The following PAPPA2 variants were observed in gnomAD, a reference collection of about 807,000 sequenced individuals.
The protein encoded by PAPPA2 is pappalysin 2, also known as pappalysin-2.
Under a neutral mutation model 176.4 loss-of-function variants are expected in PAPPA2, and 86 were observed. The observed-to-expected ratio is 0.49, with a 90% CI of 0.41 to 0.58. The LOEUF (loss-of-function observed/expected upper bound fraction) is 0.58, where lower values mean the gene tolerates loss of function less well. Among genes scored for constraint, PAPPA2 ranks in the 20% least tolerant of loss-of-function variants. The probability of loss-of-function intolerance (pLI) is 0.00; values close to 1 mark genes in which losing one functional copy is unlikely to be tolerated. For missense variants in PAPPA2, 2,073 were observed against 2,256.9 expected, an observed-to-expected ratio of 0.92 and a Z score of 1.65; for synonymous variants, 809 against 852.2, an observed-to-expected ratio of 0.95 and a Z score of 0.88.
At chr1:176,616,184 G>A (rs1368252886) in intron 3 of PAPPA2, 7 of 356,526 alleles carry the variant, frequency 2.0e-5, no homozygotes, top group Admixed American at 1.9e-4. Context: ...AGACTTACTC[G>A]CTAAGCCAAC....
chr1:176,654,956 C>A (rs1471469522), intron 3 of PAPPA2, among the ~76,000 whole-genome samples: 1 of 151,722 alleles, frequency 6.6e-6, no homozygotes, highest in Non-Finnish European at 1.5e-5. Context: ...TTCATCAAAT[C>A]TGAGAGTTTA....
chr1:176,726,999 A>G, intron 12 of PAPPA2, among the ~76,000 whole-genome samples: 1 of 152,302 alleles, frequency 6.6e-6, no homozygotes, highest in South Asian at 2.1e-4. Context: ...TGAGATAGTA[A>G]TATTTTTTGG....
At chr1:176,573,557 A>T (rs1652475689) in intron 2 of PAPPA2, among the ~76,000 whole-genome samples, 1 of 152,236 alleles carries the variant, frequency 6.6e-6, no homozygotes, top group African/African-American at 2.4e-5. Context: ...TCACGTGTTT[A>T]AAATTACTCA....
chr1:176,783,724 G>A (rs75701124), intron 17 of PAPPA2, among the ~76,000 whole-genome samples: 8,275 of 152,252 alleles, frequency 0.054, 328 homozygotes, highest in Non-Finnish European at 0.074. Flanking sequence ...CCAAAAGACT[G>A]GATGCTTAGC....
At chr1:176,578,258 G>A (rs937512141) in intron 2 of PAPPA2, among the ~76,000 whole-genome samples, 19 of 152,202 alleles carry the variant, frequency 1.2e-4, no homozygotes, top group Non-Finnish European at 1.5e-5. Context: ...ATCTAACTGT[G>A]TAGGATCTAG....
intron 21 of PAPPA2, among the ~76,000 whole-genome samples, chr1:176,814,608 T>A (rs1447564920): frequency 6.6e-6 from 1 of 152,206 alleles, no homozygotes. Flanking sequence ...TGTACAGGAA[T>A]GCTAATGATT....
intron 14 of PAPPA2, among the ~76,000 whole-genome samples, chr1:176,756,860 A>C (rs978229927): frequency 6.6e-6 from 1 of 152,028 alleles, no homozygotes; most frequent in African/African-American, 2.4e-5. Context: ...TGCCTCCCCC[A>C]GCCCCGCCGC....
chr1:176,566,759 T>C (rs1466281792), intron 2 of PAPPA2, among the ~76,000 whole-genome samples: 1 of 152,186 alleles, frequency 6.6e-6, no homozygotes, highest in Non-Finnish European at 1.5e-5. Flanking sequence ...TGCACTTCTT[T>C]CTTGTTTCTT....
intron 17 of PAPPA2, among the ~76,000 whole-genome samples, chr1:176,787,093 A>T (rs144898015): frequency 6.6e-6 from 1 of 152,210 alleles, no homozygotes. Flanking sequence ...AAGAAAAAAA[A>T]AGTGCTGTTT....
intron 12 of PAPPA2, among the ~76,000 whole-genome samples, chr1:176,734,618 C>G (rs1231368879): frequency 1.3e-5 from 2 of 152,036 alleles, no homozygotes; most frequent in Admixed American, 6.6e-5. Flanking sequence ...TGCCTTATAT[C>G]CCCCCTTCAT....
At chr1:176,528,574 T>G (rs961661263) in intron 1 of PAPPA2, among the ~76,000 whole-genome samples, 3 of 152,352 alleles carry the variant, frequency 2.0e-5, no homozygotes, top group South Asian at 4.1e-4. Flanking sequence ...GAGAAGTAAT[T>G]TGTCCATTCA....
intron 1 of PAPPA2, among the ~76,000 whole-genome samples, chr1:176,552,515 C>T (rs1246179310): frequency 1.3e-5 from 2 of 151,886 alleles, no homozygotes; most frequent in African/African-American, 4.8e-5. Flanking sequence ...CCCTTTCCCT[C>T]TCCGTCCTGG....
intron 21 of PAPPA2, among the ~76,000 whole-genome samples, chr1:176,813,153 G>C (rs1666229965): frequency 6.6e-6 from 1 of 152,042 alleles, no homozygotes; most frequent in South Asian, 2.1e-4. Context: ...AGTATTCCTT[G>C]GTGCATATGT....
At position 176,800,103 on chromosome 1, in the gene PAPPA2, G is replaced by A. The variant is rs575120882; in HGVS notation, c.5173G>A (p.Val1725Ile). 14 of 1,613,968 alleles carry A rather than the reference G, an allele frequency of 8.7e-6. No individual in the cohort carries two copies. The highest frequency in any genetic ancestry group is 4.5e-5 in the East Asian group (2 of 44,874). ...CCGGCGTCAATGGCACCCAGACCCCGTCTTAGTCCACTGCATCCAGTCATG... is the reference window on the plus strand; with the variant it reads ...CCGGCGTCAATGGCACCCAGACCCCATCTTAGTCCACTGCATCCAGTCATG... ...TGRRQWHPDPVLVHCIQSCEP... is the reference protein window; with the variant it reads ...TGRRQWHPDPILVHCIQSCEP... Residue 1725 changes from valine (V) to isoleucine (I), a missense_variant, in exon 21 of 23, where the codon GTC (valine) becomes ATC (isoleucine). Val to Ile is a conservative substitution (Grantham distance 29). This residue lies in a region of PAPPA2 where 846 missense variants were observed against 857.9 expected (regional missense o/e 0.99). Coordinates refer to ENST00000367662, the MANE Select transcript of PAPPA2 (RefSeq NM_020318.3).
chr1:176,752,363 A>C (rs1011604941), intron 14 of PAPPA2, among the ~76,000 whole-genome samples: 4 of 149,638 alleles, frequency 2.7e-5, no homozygotes, highest in African/African-American at 5.0e-5. Flanking sequence ...AAAAAAAAAA[A>C]AACATTTACC....
intron 4 of PAPPA2, among the ~76,000 whole-genome samples, chr1:176,689,024 C>G (rs1659974996): frequency 6.6e-6 from 1 of 152,190 alleles, no homozygotes; most frequent in African/African-American, 2.4e-5. Context: ...GTCCTGGGAA[C>G]TGGGATCAGA....
At chr1:176,467,385 A>C (rs981130433) in intron 1 of PAPPA2, among the ~76,000 whole-genome samples, 25 of 152,000 alleles carry the variant, frequency 1.6e-4, no homozygotes, top group Admixed American at 1.6e-3. Flanking sequence ...TTTTATTCTC[A>C]TTGTTAGAAG....
At chr1:176,678,110 A>G (rs1048509524) in intron 4 of PAPPA2, among the ~76,000 whole-genome samples, 4 of 152,176 alleles carry the variant, frequency 2.6e-5, no homozygotes, top group African/African-American at 7.2e-5. Flanking sequence ...GAGTGGAAGA[A>G]CTGGCAGATG....
chr1:176,576,208 T>C (rs954291654), intron 2 of PAPPA2, among the ~76,000 whole-genome samples: 11 of 152,192 alleles, frequency 7.2e-5, no homozygotes, highest in African/African-American at 2.2e-4. Flanking sequence ...TGCATGAGTG[T>C]GCCCTTTTCC....
Sources: gnomAD v4.1 joint callset for allele counts (sites outside exome capture counted in the v4.1 genomes callset) on GRCh38, gnomAD v4.1.1 for gene constraint, gnomAD v4.1.1 regional missense constraint, MANE v1.5 for transcripts, NCBI Gene and HGNC (gene_info 2026-07-23, HGNC 2026-07-21) for gene names.